The following KHDRBS2 variants were observed in gnomAD, a reference collection of about 807,000 sequenced individuals.
The protein encoded by KHDRBS2 is KH domain-containing, RNA-binding, signal transduction-associated protein 2.
KHDRBS2 carries 26 observed loss-of-function variants against 44.3 expected under a neutral mutation model. The observed-to-expected ratio is 0.59, with a 90% CI of 0.43 to 0.81. KHDRBS2 has a LOEUF of 0.81. Ranked by LOEUF, KHDRBS2 falls within the 40% of genes least tolerant of loss-of-function variation. The pLI, the probability that KHDRBS2 is intolerant of heterozygous loss-of-function variation, is 0.00. For synonymous variants in KHDRBS2, 194 were observed against 151.1 expected (o/e 1.28, Z -2.08); for missense variants, 476 against 433.1 (o/e 1.10, Z -0.88).
At chr6:61,591,040 T>C in the KHDRBS2 span, among the ~76,000 whole-genome samples, 1 of 152,088 alleles carries the variant, frequency 6.6e-6, no homozygotes, top group Non-Finnish European at 1.5e-5. Context: ...TTTCTATAGG[T>C]AGAGACATAT....
At chr6:62,026,208 A>G (rs1191807487) in intron 3 of KHDRBS2, among the ~76,000 whole-genome samples, 1 of 151,474 alleles carries the variant, frequency 6.6e-6, no homozygotes, top group African/African-American at 2.4e-5. Flanking sequence ...TCTTATATAA[A>G]TGACAGAATT....
chr6:61,974,345 G>C (rs1772050224), intron 4 of KHDRBS2, among the ~76,000 whole-genome samples: 1 of 151,962 alleles, frequency 6.6e-6, no homozygotes, highest in Non-Finnish European at 1.5e-5. Context: ...AACTATGAAA[G>C]AAAGAAATAG....
intron 7 of KHDRBS2, among the ~76,000 whole-genome samples, chr6:61,708,008 A>G (rs946685354): frequency 6.6e-6 from 1 of 151,698 alleles, no homozygotes; most frequent in Non-Finnish European, 1.5e-5. Context: ...TAGCTTATTT[A>G]GCCAGCATTT....
At chr6:61,625,264 G>A in the KHDRBS2 span, among the ~76,000 whole-genome samples, 106 of 151,122 alleles carry the variant, frequency 7.0e-4, no homozygotes, top group Non-Finnish European at 1.2e-3. Flanking sequence ...TACAGAGATG[G>A]GGTTGTAATT....
chr6:61,607,537 A>AAAAAAAAAG, the KHDRBS2 span, among the ~76,000 whole-genome samples: 2 of 147,566 alleles, frequency 1.4e-5, no homozygotes, highest in Non-Finnish European at 3.0e-5. Flanking sequence ...AAAAAAAAAA[A>AAAAAAAAAG]AAAAAAAAGA....
At chr6:61,566,539 A>T in the KHDRBS2 span, among the ~76,000 whole-genome samples, 2 of 152,152 alleles carry the variant, frequency 1.3e-5, no homozygotes, top group African/African-American at 2.4e-5. Flanking sequence ...ATCATGATGT[A>T]ATCACCACAC....
chr6:61,549,207 GA>G, the KHDRBS2 span, among the ~76,000 whole-genome samples: 9 of 151,978 alleles, frequency 5.9e-5, no homozygotes, highest in East Asian at 1.9e-4. Flanking sequence ...TGAGATATAA[GA>G]AAAAAATACA....
intron 6 of KHDRBS2, among the ~76,000 whole-genome samples, chr6:61,852,626 G>A (rs533463833): frequency 4.6e-5 from 7 of 151,760 alleles, no homozygotes; most frequent in African/African-American, 1.2e-4. Context: ...TGTGATTAAA[G>A]GAGGCCAAAT....
intron 2 of KHDRBS2, among the ~76,000 whole-genome samples, chr6:62,061,544 C>G (rs1464616956): frequency 6.7e-6 from 1 of 148,988 alleles, no homozygotes; most frequent in East Asian, 2.0e-4. Context: ...AAGAGATCCG[C>G]TGTTAGTCTG....
At chr6:61,556,064 G>A in the KHDRBS2 span, among the ~76,000 whole-genome samples, 247 of 152,306 alleles carry the variant, frequency 1.6e-3, 1 homozygote, top group Non-Finnish European at 2.7e-3. Context: ...GGTGGGCCTA[G>A]GGCTGCCTGC....
rs60760931 is a variant in KHDRBS2 at position 61,895,455 on chromosome 6, A to C, written c.612-622T>G. On this transcript the variant is annotated intron_variant, in intron 5 of 8. Coordinates refer to ENST00000281156, the MANE Select transcript of KHDRBS2 (RefSeq NM_152688.4). ...GTCACTGATTTATCATCATGCCTGT[A>C]ACCCCCTGAACTGGTGCAGTCCCTG... Among the ~76,000 whole-genome samples the C allele has an allele frequency of 9.8e-3, 1,499 of 152,320 alleles. 26 individuals carry two copies. The highest frequency in any genetic ancestry group is 0.035 in the African/African-American group (1,440 of 41,572).
intron 2 of KHDRBS2, among the ~76,000 whole-genome samples, chr6:62,155,787 A>G (rs9360335): frequency 0.17 from 26,274 of 152,232 alleles, 2,877 homozygotes; most frequent in Non-Finnish European, 0.22. Flanking sequence ...TTACAAAAAT[A>G]CAAGAGTTCA....
intron 2 of KHDRBS2, among the ~76,000 whole-genome samples, chr6:62,064,290 C>A (rs1016480528): frequency 1.3e-5 from 2 of 149,672 alleles, no homozygotes; most frequent in African/African-American, 4.9e-5. Flanking sequence ...CTTTAAAGTT[C>A]ATATGGAACA....
chr6:62,097,651 G>T (rs1162176297), intron 2 of KHDRBS2, among the ~76,000 whole-genome samples: 1 of 151,836 alleles, frequency 6.6e-6, no homozygotes, highest in Non-Finnish European at 1.5e-5. Flanking sequence ...TATATATTTG[G>T]ATCTTGTTTT....
chr6:62,229,624 C>T (rs546450528), intron 1 of KHDRBS2, among the ~76,000 whole-genome samples: 34 of 152,256 alleles, frequency 2.2e-4, no homozygotes, highest in African/African-American at 6.7e-4. Flanking sequence ...GCCTGGGCCC[C>T]GGTGGCGTGG....
chr6:61,670,281 A>C, the KHDRBS2 span, among the ~76,000 whole-genome samples: 19 of 151,536 alleles, frequency 1.3e-4, no homozygotes, highest in African/African-American at 4.6e-4. Context: ...CTAGAAACAA[A>C]AAAATCTTTA....
chr6:61,896,760 T>C (rs1237118415), intron 5 of KHDRBS2, among the ~76,000 whole-genome samples: 1 of 152,210 alleles, frequency 6.6e-6, no homozygotes, highest in African/African-American at 2.4e-5. Context: ...TCAGTCTAGT[T>C]CTTGCTTTCA....
chr6:61,754,800 G>A (rs1778248444), intron 6 of KHDRBS2, among the ~76,000 whole-genome samples: 1 of 152,064 alleles, frequency 6.6e-6, no homozygotes, highest in Non-Finnish European at 1.5e-5. Context: ...CATACATTTA[G>A]GGATATCTTT....
intron 6 of KHDRBS2, among the ~76,000 whole-genome samples, chr6:61,777,623 T>C (rs1460765124): frequency 1.3e-5 from 2 of 152,126 alleles, no homozygotes; most frequent in Non-Finnish European, 2.9e-5. Flanking sequence ...GAGAGTTCCA[T>C]GATTAGAGAG....
Sources: allele counts gnomAD v4.1 joint callset (sites outside exome capture counted in the v4.1 genomes callset), GRCh38; gene constraint gnomAD v4.1.1; transcripts MANE v1.5; gene names NCBI Gene and HGNC (gene_info 2026-07-23, HGNC 2026-07-21).